SLC2A14: variants seen among roughly 807,000 people sequenced by gnomAD.
SLC2A14 encodes solute carrier family 2, facilitated glucose transporter member 14.
A neutral mutation model predicts 43.0 loss-of-function variants in SLC2A14; 13 were observed. That is an observed-to-expected ratio of 0.30 (90% CI 0.20 to 0.48). SLC2A14 has a LOEUF of 0.48. Ranked by LOEUF, SLC2A14 falls within the 20% of genes least tolerant of loss-of-function variation. The probability of loss-of-function intolerance (pLI) is 0.99; values close to 1 mark genes in which losing one functional copy is unlikely to be tolerated. For synonymous variants in SLC2A14, 190 were observed against 233.8 expected, an observed-to-expected ratio of 0.81 and a Z score of 1.71; for missense variants, 428 against 620.4, an observed-to-expected ratio of 0.69 and a Z score of 3.29.
intron 1 of SLC2A14, chr12:7,871,115 T>C: frequency 7.5e-7 from 1 of 1,340,364 alleles, no homozygotes; most frequent in Non-Finnish European, 9.9e-7. Context: ...ACCACTTCCC[T>C]CACCATGTTT....
intron 1 of SLC2A14, among the ~76,000 whole-genome samples, chr12:7,888,752 C>T (rs1227381294): frequency 7.2e-6 from 1 of 138,206 alleles, no homozygotes; most frequent in Admixed American, 8.0e-5. Context: ...GAGCTGAGAT[C>T]GTGCCACTGC....
intron 4 of SLC2A14, chr12:7,831,310 C>T (rs1460365329): frequency 6.9e-6 from 2 of 290,164 alleles, no homozygotes; most frequent in Non-Finnish European, 6.4e-6. Flanking sequence ...AAGTATGTTC[C>T]TGGAAACCCC....
chr12:7,882,089 A>C (rs1314133114), intron 1 of SLC2A14, among the ~76,000 whole-genome samples: 2 of 151,990 alleles, frequency 1.3e-5, no homozygotes, highest in Admixed American at 6.6e-5. Flanking sequence ...CTACACTTGG[A>C]GGCTTTGTTC....
intron 2 of SLC2A14, among the ~76,000 whole-genome samples, chr12:7,844,178 T>G (rs7313616): frequency 6.6e-6 from 1 of 151,854 alleles, no homozygotes; most frequent in Non-Finnish European, 1.5e-5. Context: ...CCAGAAGAAA[T>G]TGCTATTTTT....
chr12:7,832,034 T>C (rs916099053), intron 3 of SLC2A14, among the ~76,000 whole-genome samples: 4 of 152,114 alleles, frequency 2.6e-5, no homozygotes, highest in African/African-American at 9.7e-5. Context: ...CTTGAACCCG[T>C]GGGGCGGAGT....
intron 2 of SLC2A14, among the ~76,000 whole-genome samples, chr12:7,861,084 G>C (rs1051524122): frequency 6.6e-6 from 1 of 151,980 alleles, no homozygotes; most frequent in African/African-American, 2.4e-5. Flanking sequence ...GAGCCACCTC[G>C]CCCGGCATCA....
At chr12:7,826,864 T>TCCTTCCCTC (rs71457018) in intron 7 of SLC2A14, among the ~76,000 whole-genome samples, 8 of 40,562 alleles carry the variant, frequency 2.0e-4, no homozygotes, top group African/African-American at 7.6e-4. Context: ...CTTTCTTTTT[T>TCCTTCCCTC]CTTTCTTTCT....
At chr12:7,884,758 A>G (rs773107441) in intron 1 of SLC2A14, among the ~76,000 whole-genome samples, 3 of 152,272 alleles carry the variant, frequency 2.0e-5, no homozygotes, top group Admixed American at 2.0e-4. Context: ...GTTCCAGAGC[A>G]AGGTTCTATT....
intron 2 of SLC2A14, among the ~76,000 whole-genome samples, chr12:7,836,871 T>A (rs1458784946): frequency 6.6e-6 from 1 of 150,558 alleles, no homozygotes; most frequent in Non-Finnish European, 1.5e-5. Context: ...ATTAAAAAAA[T>A]AAAAAGAAAC....
chr12:7,865,709 A>G (rs1565571268), intron 2 of SLC2A14, among the ~76,000 whole-genome samples: 1 of 152,126 alleles, frequency 6.6e-6, no homozygotes, highest in East Asian at 1.9e-4. Flanking sequence ...CCAATTAAAA[A>G]CCCTAAATGG....
Position 7,831,656 on chromosome 12 carries a change from C to T in SLC2A14, c.220G>A (p.Gly74Arg). The T allele has an allele frequency of 6.2e-7, 1 of 1,614,206 alleles. No individual in the cohort carries two copies. The highest frequency in any genetic ancestry group is 2.2e-5 in the East Asian group (1 of 44,892). Residue 74 changes from glycine (G) to arginine (R), a missense_variant, in exon 4 of 11, where the codon GGG becomes AGG. This residue lies in a region of SLC2A14 where 122 missense variants were observed against 128.8 expected (regional missense o/e 0.95). Transcript: ENST00000431042. Reference sequence around the variant, plus strand: ...ACGGAAAAGGAGCCGATCATACCCCCGACGGAAAATATGGCCACAGACAAG... The same window carrying T: ...ACGGAAAAGGAGCCGATCATACCCCTGACGGAAAATATGGCCACAGACAAG... Reference protein sequence around the residue: ...WSLSVAIFSVGGMIGSFSVGL... With the variant: ...WSLSVAIFSVRGMIGSFSVGL...
chr12:7,826,955 TTC>T (rs200599889), intron 7 of SLC2A14, among the ~76,000 whole-genome samples: 1,860 of 120,968 alleles, frequency 0.015, 234 homozygotes, highest in Middle Eastern at 0.046. Context: ...CTTTCCTTTC[TTC>T]TCTCTCTTTC....
intron 2 of SLC2A14, among the ~76,000 whole-genome samples, chr12:7,861,974 A>AAG (rs1555143036): frequency 1.4e-5 from 2 of 146,824 alleles, no homozygotes; most frequent in East Asian, 2.0e-4. Flanking sequence ...AAAAAAAAAA[A>AAG]CAAAAACAAA....
rs1555151781 is a variant in SLC2A14 at position 7,888,810 on chromosome 12, A to AAAG, written c.132+2185_132+2186insCTT. 5.4e-4 allele frequency among the ~76,000 whole-genome samples: 79 copies of AAAG among 147,084 alleles called. 2 individuals are homozygous for AAAG. The highest frequency in any genetic ancestry group is 1.2e-3 in the East Asian group (6 of 5,100). On this transcript the variant is annotated intron_variant, in intron 1 of 9. Coordinates refer to the SLC2A14 transcript ENST00000539924. The stretch of plus-strand genomic sequence containing the variant: ...AAGACTCCGTCTCAAAAAAAAAAAA[A>AAAG]AAAAAGAAAAAAGGAATATCAGGAG...
chr12:7,887,259 T>TAACCAGG (rs1945702949), intron 1 of SLC2A14, among the ~76,000 whole-genome samples: 1 of 151,922 alleles, frequency 6.6e-6, no homozygotes, highest in Non-Finnish European at 1.5e-5. Flanking sequence ...GAAGAGTAGT[T>TAACCAGG]CTTAAACAAT....
Position 7,814,206 on chromosome 12 carries a change from T to C in SLC2A14, c.*110A>G. ...TGGAGTGCGTGGGATGAGAAAGAAA[T>C]CAAGTAGCAGCATTCAGAAGCAGTC... On this transcript the variant is annotated 3_prime_UTR_variant, in exon 11 of 11. Coordinates refer to ENST00000431042, the MANE Select transcript of SLC2A14 (RefSeq NM_001286234.2). 6.7e-7 allele frequency: 1 copy of C among 1,497,770 alleles called. No individual in the cohort carries two copies. Among genetic ancestry groups the C allele is most frequent in the Non-Finnish European group, 9.0e-7 (1 of 1,111,456 alleles). The allele number at this position is 1,497,770 out of a possible 1,614,324, so 92.8% of individuals were successfully genotyped here. A position where few individuals can be genotyped will look rare whatever the true frequency, so the allele number is the denominator to read the frequency against.
chr12:7,863,801 T>C (rs920908213), intron 2 of SLC2A14, among the ~76,000 whole-genome samples: 1 of 131,748 alleles, frequency 7.6e-6, no homozygotes, highest in East Asian at 2.2e-4. Flanking sequence ...ATATCAACCA[T>C]CTTCCTTTTT....
At chr12:7,829,173 C>G (rs1391498930) in intron 5 of SLC2A14, among the ~76,000 whole-genome samples, 1 of 152,088 alleles carries the variant, frequency 6.6e-6, no homozygotes, top group Non-Finnish European at 1.5e-5. Context: ...GATCGCGCCA[C>G]TGCCCTCCAG....
chr12:7,875,665 T>C (rs756847842), upstream of SLC2A14, among the ~76,000 whole-genome samples: 14 of 152,148 alleles, frequency 9.2e-5, no homozygotes, highest in African/African-American at 3.4e-4. Flanking sequence ...TCAATGAGAT[T>C]AGTGTACTTA....
Sources: gnomAD v4.1 joint callset for allele counts (sites outside exome capture counted in the v4.1 genomes callset) on GRCh38, gnomAD v4.1.1 for gene constraint, gnomAD v4.1.1 regional missense constraint, MANE v1.5 for transcripts, NCBI Gene and HGNC (gene_info 2026-07-23, HGNC 2026-07-21) for gene names.